The following RMND5A variants were observed in gnomAD, a reference collection of about 807,000 sequenced individuals.
RMND5A encodes E3 ubiquitin-protein transferase RMND5A.
A neutral mutation model predicts 49.7 loss-of-function variants in RMND5A; 17 were observed. The observed-to-expected ratio is 0.34, with a 90% CI of 0.23 to 0.51. The LOEUF (loss-of-function observed/expected upper bound fraction) is 0.51, where lower values mean the gene tolerates loss of function less well. Ranked by LOEUF, RMND5A falls within the 20% of genes least tolerant of loss-of-function variation. The pLI is 0.96. For missense variants in RMND5A, 255 were observed against 471.3 expected, an observed-to-expected ratio of 0.54 and a Z score of 4.25; for synonymous variants, 156 against 167.7, an observed-to-expected ratio of 0.93 and a Z score of 0.54.
At position 86,765,213 on chromosome 2, in the gene RMND5A, T is replaced by TTA. The variant is rs201363646; in HGVS notation, c.688+22_688+23dup. The TTA allele has an allele frequency of 7.0e-7, 1 of 1,433,372 alleles. No homozygotes were observed. The highest frequency in any genetic ancestry group is 9.4e-7 in the Non-Finnish European group (1 of 1,064,692). The allele number at this position is 1,433,372 out of a possible 1,614,324, so 88.8% of individuals were successfully genotyped here. A position where few individuals can be genotyped will look rare whatever the true frequency, so the allele number is the denominator to read the frequency against. ...AAAAAGGTGAGTCTAGAGTCAGATG[T>TTA]TATTAATGTTTGAAACAGGGCTATA... On this transcript the variant is annotated intron_variant, in intron 5 of 8. Transcript: ENST00000283632.
chr2:86,755,673 T>C lies in RMND5A; in HGVS notation c.521+2115T>C, dbSNP rs375709767. On this transcript the variant is annotated intron_variant, in intron 4 of 8. Coordinates refer to ENST00000283632, the MANE Select transcript of RMND5A (RefSeq NM_022780.4). ...TTTCTCCTAAGAGCCTTTTAAACTTTGTGCGTATATAAGATATGTTTCTTA... is the reference window on the plus strand; with the variant it reads ...TTTCTCCTAAGAGCCTTTTAAACTTCGTGCGTATATAAGATATGTTTCTTA... 2.6e-5 allele frequency among the ~76,000 whole-genome samples: 4 copies of C among 152,234 alleles called. No homozygotes were observed. In the South Asian group the frequency reaches 8.3e-4, roughly 32 times the overall value.
At chr2:86,765,748 G>A in intron 5 of RMND5A, 111 bp from the exon 6 acceptor site, 1 of 870,198 alleles carries the variant, frequency 1.1e-6, no homozygotes, top group Non-Finnish European at 1.7e-6. Context: ...AATTTTAAAA[G>A]ACCTGTTAAT....
intron 2 of RMND5A, among the ~76,000 whole-genome samples, chr2:86,744,269 C>G (rs1681499953): frequency 6.6e-6 from 1 of 152,142 alleles, no homozygotes; most frequent in African/African-American, 2.4e-5. Flanking sequence ...GTTAAGTCCT[C>G]CAGGAGCTCT....
intron 4 of RMND5A, among the ~76,000 whole-genome samples, chr2:86,754,574 C>A (rs937100071): frequency 5.3e-5 from 8 of 152,046 alleles, no homozygotes; most frequent in South Asian, 2.1e-4. Flanking sequence ...TTTCTCAGTT[C>A]TTTCTCCTTT....
At chr2:86,760,201 C>T (rs1255761657) in intron 4 of RMND5A, among the ~76,000 whole-genome samples, 20 of 152,108 alleles carry the variant, frequency 1.3e-4, no homozygotes, top group African/African-American at 4.6e-4. Flanking sequence ...TGCGCCACCA[C>T]ACCCGACTAA....
At chr2:86,768,073 T>C (rs989331237) in intron 6 of RMND5A, among the ~76,000 whole-genome samples, 3 of 152,226 alleles carry the variant, frequency 2.0e-5, no homozygotes, top group Non-Finnish European at 4.4e-5. Flanking sequence ...TATAAGAATG[T>C]TTGCAATAAT....
chr2:86,758,164 A>G (rs969123189), intron 4 of RMND5A, among the ~76,000 whole-genome samples: 1 of 18,030 alleles, frequency 5.5e-5, no homozygotes, highest in African/African-American at 1.8e-4. Context: ...CAAAAGGCAC[A>G]ACAAGATAAA....
At chr2:86,743,637 T>A (rs1418346630) in intron 2 of RMND5A, among the ~76,000 whole-genome samples, 1 of 151,902 alleles carries the variant, frequency 6.6e-6, no homozygotes, top group African/African-American at 2.4e-5. Context: ...GTGAAAGTAG[T>A]TTTGGTTCTA....
At position 86,775,517 on chromosome 2, in the gene RMND5A, T is replaced by G. The variant is rs1382099317; in HGVS notation, c.*2106T>G. On this transcript the variant is annotated 3_prime_UTR_variant, in exon 9 of 9. Coordinates refer to ENST00000283632, the MANE Select transcript of RMND5A (RefSeq NM_022780.4). ...TTCATACAGTCGGCTTGGGCCACTTTAAAGGACAAAAGCCAGAGCTCAGCT... is the reference window on the plus strand; with the variant it reads ...TTCATACAGTCGGCTTGGGCCACTTGAAAGGACAAAAGCCAGAGCTCAGCT... 1 of 152,016 alleles carries G rather than the reference T, an allele frequency of 6.6e-6. No individual in the cohort carries two copies. The highest frequency in any genetic ancestry group is 1.5e-5 in the Non-Finnish European group (1 of 68,006). 9.4% of individuals were successfully genotyped at this position (152,016 alleles called of 1,614,324 possible).
intron 4 of RMND5A, among the ~76,000 whole-genome samples, chr2:86,760,793 C>G (rs1347886608): frequency 6.6e-6 from 1 of 152,190 alleles, no homozygotes; most frequent in Non-Finnish European, 1.5e-5. Flanking sequence ...GAAGCTAGGG[C>G]AAGACCTAAG....
intron 7 of RMND5A, among the ~76,000 whole-genome samples, chr2:86,770,885 G>C (rs985263594): frequency 1.3e-5 from 2 of 152,192 alleles, no homozygotes; most frequent in African/African-American, 4.8e-5. Context: ...CTGAGGCTCT[G>C]GCCTGGAATT....
chr2:86,774,692 C>T lies in RMND5A; in HGVS notation c.*1281C>T, dbSNP rs1295857076. The T allele has an allele frequency of 3.9e-5, 6 of 152,620 alleles. No homozygotes were observed. The highest frequency in any genetic ancestry group is 7.3e-5 in the Non-Finnish European group (5 of 68,032). 9.5% of individuals were successfully genotyped at this position (152,620 alleles called of 1,614,324 possible). On this transcript the variant is annotated 3_prime_UTR_variant, in exon 9 of 9. Transcript: ENST00000283632. ...ACTTCAGTATAAGAAGAACGTTACA[C>T]GGAAATCACCAAATATTTTGCAACT...
At chr2:86,720,966 T>A in intron 1 of RMND5A, 157 bp downstream of exon 1, 1 of 590,744 alleles carries the variant, frequency 1.7e-6, no homozygotes. Context: ...CTTTTTCCCC[T>A]CTTCGTCCGA....
intron 6 of RMND5A, 100 bp from the exon 7 acceptor site, chr2:86,769,923 A>T (rs1466674125): frequency 3.9e-6 from 3 of 773,418 alleles, no homozygotes; most frequent in African/African-American, 3.5e-5. Flanking sequence ...TCCAGTGGCC[A>T]GGGTCTGCAG....
At chr2:86,721,576 A>G (rs1681223796) in intron 1 of RMND5A, among the ~76,000 whole-genome samples, 1 of 151,830 alleles carries the variant, frequency 6.6e-6, no homozygotes, top group Non-Finnish European at 1.5e-5. Context: ...CAAAAAAAAT[A>G]AATTTTCCTA....
intron 2 of RMND5A, among the ~76,000 whole-genome samples, chr2:86,744,119 C>G (rs552868589): frequency 1.3e-5 from 2 of 152,142 alleles, no homozygotes; most frequent in Non-Finnish European, 2.9e-5. Context: ...TACACACTCT[C>G]CCCGTATTTT....
At chr2:86,753,604 G>A (rs1340266075) in intron 4 of RMND5A, 46 bp downstream of exon 4, 2 of 963,668 alleles carry the variant, frequency 2.1e-6, no homozygotes, top group South Asian at 3.2e-5. Context: ...AGAACTCTCT[G>A]TAAGAAAACT....
In RMND5A at chr2:86,777,349, T is replaced by C. The variant is rs1424662479; in HGVS notation, c.*3938T>C. 1.3e-5 allele frequency: 2 copies of C among 152,278 alleles called. No individual in the cohort carries two copies. The highest frequency in any genetic ancestry group is 1.9e-4 in the East Asian group (1 of 5,180). 9.4% of individuals were successfully genotyped at this position (152,278 alleles called of 1,614,324 possible). A position where few individuals can be genotyped will look rare whatever the true frequency, so the allele number is the denominator to read the frequency against. Reference sequence around the variant, plus strand: ...TAGGATTTAGTGCCTGATCTTTTTTTTGGGAAGGGGCGGGAATGAATGTGT... The same window carrying C: ...TAGGATTTAGTGCCTGATCTTTTTTCTGGGAAGGGGCGGGAATGAATGTGT... On this transcript the variant is annotated 3_prime_UTR_variant, in exon 9 of 9. Transcript: ENST00000283632.
At position 86,752,105 on chromosome 2, in the gene RMND5A, G is replaced by A. The variant is rs1231162059; in HGVS notation, c.420+75G>A. 24 of 1,400,360 alleles carry A rather than the reference G, an allele frequency of 1.7e-5. 1 individual carries two copies. Among genetic ancestry groups the A allele is most frequent in the Non-Finnish European group, 2.3e-5 (23 of 1,020,172 alleles). 86.7% of individuals were successfully genotyped at this position (1,400,360 alleles called of 1,614,324 possible). A position where few individuals can be genotyped will look rare whatever the true frequency, so the allele number is the denominator to read the frequency against. On this transcript the variant is annotated intron_variant, in intron 3 of 8. Coordinates refer to ENST00000283632, the MANE Select transcript of RMND5A (RefSeq NM_022780.4). ...TTGGAGTTTATAGTATTTGCAGGGT[G>A]GGGTTTTGAGTCTTCCTCTAGCTAT...
Sources: gnomAD v4.1 joint callset for allele counts (sites outside exome capture counted in the v4.1 genomes callset) on GRCh38, gnomAD v4.1.1 for gene constraint, MANE v1.5 for transcripts, NCBI Gene and HGNC (gene_info 2026-07-23, HGNC 2026-07-21) for gene names.